The following RUNX1 variants were observed in gnomAD, a reference collection of about 807,000 sequenced individuals.
The protein encoded by RUNX1 is RUNX family transcription factor 1.
In RUNX1, 19 loss-of-function variants were observed where a neutral mutation model predicts 42.8. The ratio of observed to expected loss-of-function variants is 0.44; its 90% CI spans 0.31 to 0.65. The LOEUF is 0.65. RUNX1 is among the 30% of genes least tolerant of loss of function. RUNX1 has a pLI of 0.07. For synonymous variants in RUNX1, 271 were observed against 289.4 expected (o/e 0.94, Z 0.64); for missense variants, 528 against 672.0 (o/e 0.79, Z 2.37).
At chr21:34,989,946 G>A (rs1351179863) in intron 2 of RUNX1, among the ~76,000 whole-genome samples, 1 of 152,178 alleles carries the variant, frequency 6.6e-6, no homozygotes, top group African/African-American at 2.4e-5. Flanking sequence ...ACTCCTCATG[G>A]GTTGGGGACG....
Position 34,919,451 on chromosome 21 carries a change from C to T in RUNX1, c.59-26488G>A, listed in dbSNP as rs142234278. Among the ~76,000 whole-genome samples the T allele has an allele frequency of 3.9e-5, 6 of 152,204 alleles. No individual in the cohort carries two copies. The East Asian group carries it at 1.2e-3, about 29-fold the overall frequency. ...TTTGACTTCTTGACCTACTGACTTA[C>T]TACATAACTATATCGATTTTGCATG... On this transcript the variant is annotated intron_variant, in intron 2 of 8. Transcript: ENST00000675419.
At chr21:34,900,349 CAGGA>C (rs2058167397) in intron 2 of RUNX1, among the ~76,000 whole-genome samples, 1 of 152,188 alleles carries the variant, frequency 6.6e-6, no homozygotes, top group South Asian at 2.1e-4. Context: ...TACAGTTCTA[CAGGA>C]ACCACTCAAA....
At chr21:35,038,244 A>G (rs1489319135) in intron 2 of RUNX1, among the ~76,000 whole-genome samples, 1 of 152,088 alleles carries the variant, frequency 6.6e-6, no homozygotes, top group African/African-American at 2.4e-5. Context: ...CCTCGATTCT[A>G]AAGCCCACAG....
At chr21:35,046,629 A>T (rs960309329) in intron 2 of RUNX1, among the ~76,000 whole-genome samples, 2 of 152,140 alleles carry the variant, frequency 1.3e-5, no homozygotes, top group Admixed American at 1.3e-4. Context: ...TATCAAAAGA[A>T]ATGATATTTT....
chr21:34,935,540 C>T (rs1270182443), intron 2 of RUNX1, among the ~76,000 whole-genome samples: 2 of 151,770 alleles, frequency 1.3e-5, no homozygotes, highest in African/African-American at 4.8e-5. Flanking sequence ...CTGTGAATGA[C>T]AATAATAGTT....
At chr21:34,851,713 G>A (rs552121985) in intron 6 of RUNX1, among the ~76,000 whole-genome samples, 1 of 152,262 alleles carries the variant, frequency 6.6e-6, no homozygotes, top group Admixed American at 6.5e-5. Flanking sequence ...GGGTCCAGAC[G>A]GAAAGAGAAA....
intron 2 of RUNX1, among the ~76,000 whole-genome samples, chr21:34,982,810 C>T (rs533231024): frequency 5.3e-5 from 8 of 152,222 alleles, no homozygotes; most frequent in Middle Eastern, 3.4e-3. Flanking sequence ...CCTTGGGATC[C>T]GCCTGCCTTG....
chr21:34,914,717 G>A (rs1442740794), intron 2 of RUNX1, among the ~76,000 whole-genome samples: 2 of 152,210 alleles, frequency 1.3e-5, no homozygotes, highest in East Asian at 3.8e-4. Flanking sequence ...TGGTTCAACT[G>A]CGCCTGAGAC....
chr21:34,816,584 G>C, intron 7 of RUNX1, among the ~76,000 whole-genome samples: 1 of 152,202 alleles, frequency 6.6e-6, no homozygotes. Context: ...CAACAGATCA[G>C]TCAGGAGTCG....
At chr21:34,802,804 T>A (rs1274721901) in intron 7 of RUNX1, among the ~76,000 whole-genome samples, 5 of 152,218 alleles carry the variant, frequency 3.3e-5, no homozygotes, top group African/African-American at 1.2e-4. Flanking sequence ...TCAGTTTGCA[T>A]CCTGCCTTCA....
chr21:34,838,062 G>A (rs1209399523), intron 6 of RUNX1, among the ~76,000 whole-genome samples: 5 of 152,094 alleles, frequency 3.3e-5, no homozygotes, highest in South Asian at 2.1e-4. Context: ...TATTGTTTTC[G>A]GGGTTGGCTG....
intron 7 of RUNX1, among the ~76,000 whole-genome samples, chr21:34,828,298 CT>C (rs959448598): frequency 6.6e-6 from 1 of 152,176 alleles, no homozygotes; most frequent in Non-Finnish European, 1.5e-5. Flanking sequence ...ATTTTCTTGC[CT>C]GTTTTTCTCT....
chr21:34,923,134 T>G (rs2058366573), intron 2 of RUNX1, among the ~76,000 whole-genome samples: 1 of 152,234 alleles, frequency 6.6e-6, no homozygotes. Context: ...CAGTTATGTC[T>G]TGATTACCTC....
chr21:34,887,954 A>C (rs1173714917), intron 3 of RUNX1: 2 of 1,065,924 alleles, frequency 1.9e-6, no homozygotes, highest in Non-Finnish European at 2.3e-6. Flanking sequence ...AACAACAATC[A>C]TAAGAAGGCC....
chr21:34,937,807 C>G (rs142323627), intron 2 of RUNX1, among the ~76,000 whole-genome samples: 1 of 152,040 alleles, frequency 6.6e-6, no homozygotes, highest in Admixed American at 6.5e-5. Context: ...CCTGCCTTTC[C>G]GGAGATTTTC....
intron 2 of RUNX1, among the ~76,000 whole-genome samples, chr21:34,949,816 A>T (rs73900723): frequency 0.052 from 7,869 of 152,278 alleles, 645 homozygotes; most frequent in African/African-American, 0.18. Context: ...CAAGCAAGGA[A>T]CTAGGCCCTG....
Position 34,837,254 on chromosome 21 carries a change from C to A in RUNX1, c.614-2653G>T, listed in dbSNP as rs542796028. Among the ~76,000 whole-genome samples the A allele has an allele frequency of 3.9e-3, 593 of 152,210 alleles. 9 individuals are homozygous for A. The highest frequency in any genetic ancestry group is 0.013 in the African/African-American group (558 of 41,520). ...TAATGCTGGAGGATTGGGGAAGAGC[C>A]CATTCCACTCTCCCCACGTGTGTTC... On this transcript the variant is annotated intron_variant, in intron 6 of 8. Coordinates refer to ENST00000675419, the MANE Select transcript of RUNX1 (RefSeq NM_001754.5).
At chr21:34,939,488 G>GAGAGA (rs2058510746) in intron 2 of RUNX1, among the ~76,000 whole-genome samples, 1 of 152,206 alleles carries the variant, frequency 6.6e-6, no homozygotes, top group African/African-American at 2.4e-5. Flanking sequence ...AAACACGTAA[G>GAGAGA]AGAGAGTTTG....
chr21:34,796,722 C>T (rs906077216), intron 8 of RUNX1, among the ~76,000 whole-genome samples: 2 of 152,142 alleles, frequency 1.3e-5, no homozygotes, highest in Non-Finnish European at 2.9e-5. Flanking sequence ...GTAATGGCTG[C>T]CTTAAAAGGA....
Sources: gnomAD v4.1 joint callset for allele counts (sites outside exome capture counted in the v4.1 genomes callset) on GRCh38, gnomAD v4.1.1 for gene constraint, MANE v1.5 for transcripts, NCBI Gene and HGNC (gene_info 2026-07-23, HGNC 2026-07-21) for gene names.